NOCT: variants seen among roughly 807,000 people sequenced by gnomAD.
NOCT encodes CCR4 carbon catabolite repression 4-like.
NOCT carries 18 observed loss-of-function variants against 35.0 expected under a neutral mutation model. The ratio of observed to expected loss-of-function variants is 0.51; its 90% confidence interval spans 0.36 to 0.76. The LOEUF is 0.76. Among genes scored for constraint, NOCT ranks in the 30% least tolerant of loss-of-function variants. The pLI, the probability that NOCT is intolerant of heterozygous loss-of-function variation, is 0.01. For missense variants in NOCT, 479 were observed against 541.0 expected (o/e 0.89, Z 1.14); for synonymous variants, 235 against 226.3 (o/e 1.04, Z -0.34).
At position 139,045,898 on chromosome 4, in the gene NOCT, T is replaced by G. The variant is rs1726931126; in HGVS notation, c.*424T>G. 6.5e-6 allele frequency: 1 copy of G among 154,250 alleles called. No individual in the cohort carries two copies. Among genetic ancestry groups the G allele is most frequent in the Admixed American group, 6.5e-5 (1 of 15,408 alleles). The allele number at this position is 154,250 out of a possible 1,614,324, so 9.6% of individuals were successfully genotyped here. Reference sequence around the variant, plus strand: ...TGGAAAAGACTCCCTTTAGTCCCTTTTTCAATTAAAACCTATGGTGAAAAA... The same window carrying G: ...TGGAAAAGACTCCCTTTAGTCCCTTGTTCAATTAAAACCTATGGTGAAAAA... On this transcript the variant is annotated 3_prime_UTR_variant, in exon 3 of 3. Transcript: ENST00000280614.
chr4:139,025,578 A>G (rs1726497793), intron 1 of NOCT, among the ~76,000 whole-genome samples: 1 of 152,174 alleles, frequency 6.6e-6, no homozygotes, highest in African/African-American at 2.4e-5. Context: ...TGGGAGGCCA[A>G]GGCGGGCAGA....
In NOCT at chr4:139,044,703, G is replaced by T; in HGVS notation, c.525G>T (p.Arg175Ser). The T allele has an allele frequency of 6.2e-7, 1 of 1,614,180 alleles. No individual in the cohort carries two copies. Among genetic ancestry groups the T allele is most frequent in the Non-Finnish European group, 8.5e-7 (1 of 1,180,016 alleles). The change falls in exon 3 of 3, where the codon AGG becomes AGT. Residue 175 changes from arginine to serine, a missense_variant. Arg to Ser is a moderately radical substitution (Grantham distance 110, BLOSUM62 -1). This residue lies in a region of NOCT where 265 missense variants were observed against 257.0 expected (regional missense o/e 1.03). Coordinates refer to ENST00000280614, the MANE Select transcript of NOCT (RefSeq NM_012118.4). ...TTGAAGCACTCAAATGGGAAGAAAGGAAATGTCTCATCCTGGAAGAAATCC... is the reference window on the plus strand; with the variant it reads ...TTGAAGCACTCAAATGGGAAGAAAGTAAATGTCTCATCCTGGAAGAAATCC... Reference protein sequence around the residue: ...CPVEALKWEERKCLILEEILA... With the variant: ...CPVEALKWEESKCLILEEILA...
chr4:139,031,932 C>T (rs111706273), intron 1 of NOCT, among the ~76,000 whole-genome samples: 2,556 of 152,088 alleles, frequency 0.017, 63 homozygotes, highest in African/African-American at 0.057. Context: ...AGGCTCGTCT[C>T]GAACTCCTAA....
chr4:139,016,753 A>G (rs1726314767), intron 1 of NOCT, among the ~76,000 whole-genome samples: 1 of 141,126 alleles, frequency 7.1e-6, no homozygotes, highest in Non-Finnish European at 1.5e-5. Flanking sequence ...TCCCGGGTTC[A>G]AGCGATTCTC....
intron 1 of NOCT, chr4:139,028,305 G>A (rs1726560653): frequency 6.6e-6 from 1 of 152,310 alleles, no homozygotes; most frequent in Non-Finnish European, 1.5e-5. Flanking sequence ...GTTCAGTCTT[G>A]TCTGGATGAC....
At chr4:139,035,647 T>C (rs980484432) in intron 1 of NOCT, among the ~76,000 whole-genome samples, 2 of 152,182 alleles carry the variant, frequency 1.3e-5, no homozygotes, top group Admixed American at 6.5e-5. Context: ...GTAGTTTAAA[T>C]ATATCAGCCA....
chr4:139,019,049 A>AATTTTT (rs1250811110), intron 1 of NOCT, among the ~76,000 whole-genome samples: 1 of 152,068 alleles, frequency 6.6e-6, no homozygotes, highest in Non-Finnish European at 1.5e-5. Context: ...TTTTAATTTT[A>AATTTTT]ATTTTTATTT....
intron 1 of NOCT, among the ~76,000 whole-genome samples, chr4:139,040,528 C>G (rs1726817963): frequency 6.6e-6 from 1 of 152,100 alleles, no homozygotes; most frequent in African/African-American, 2.4e-5. Context: ...ATTTCACGTA[C>G]TCCTCAAACG....
At chr4:139,036,649 A>G (rs1726743578) in intron 1 of NOCT, among the ~76,000 whole-genome samples, 1 of 152,194 alleles carries the variant, frequency 6.6e-6, no homozygotes, top group Non-Finnish European at 1.5e-5. Flanking sequence ...CATGAGTATT[A>G]ATCTTTCCCC....
chr4:139,034,581 TG>T (rs1369519345), intron 1 of NOCT, among the ~76,000 whole-genome samples: 1 of 152,072 alleles, frequency 6.6e-6, no homozygotes, highest in Non-Finnish European at 1.5e-5. Flanking sequence ...GTTGTTGTGG[TG>T]GTGGTGGTGA....
chr4:139,019,996 TTAAC>T (rs1232044602), intron 1 of NOCT, among the ~76,000 whole-genome samples: 1 of 152,246 alleles, frequency 6.6e-6, no homozygotes, highest in East Asian at 1.9e-4. Context: ...AATATGTCCT[TTAAC>T]TATGTGAGTA....
intron 1 of NOCT, 151 bp from the exon 2 acceptor site, chr4:139,042,923 A>G (rs1176949558): frequency 1.9e-5 from 13 of 695,626 alleles, no homozygotes; most frequent in Admixed American, 9.7e-5. Context: ...TCAAAAAAAA[A>G]AAAAAAGAAA....
intron 1 of NOCT, among the ~76,000 whole-genome samples, chr4:139,037,811 C>G (rs991238906): frequency 6.6e-6 from 1 of 151,996 alleles, no homozygotes; most frequent in African/African-American, 2.4e-5. Context: ...TGGCTTGATC[C>G]CAGGAGTTTG....
chr4:139,041,429 T>C (rs921329297), intron 1 of NOCT, among the ~76,000 whole-genome samples: 1 of 152,238 alleles, frequency 6.6e-6, no homozygotes, highest in Non-Finnish European at 1.5e-5. Context: ...GATTGCCTGG[T>C]ACCAGCATTT....
At chr4:139,037,081 T>C (rs1392404206) in intron 1 of NOCT, among the ~76,000 whole-genome samples, 5 of 152,214 alleles carry the variant, frequency 3.3e-5, no homozygotes, top group African/African-American at 9.6e-5. Context: ...GCTTGTCCTA[T>C]GTCATGTTGT....
chr4:139,033,465 G>A (rs1726664010), intron 1 of NOCT, among the ~76,000 whole-genome samples: 1 of 151,938 alleles, frequency 6.6e-6, no homozygotes. Flanking sequence ...GAAGCCAGGA[G>A]TTCAAGACTA....
intron 1 of NOCT, chr4:139,028,149 A>G (rs1189475077): frequency 6.6e-6 from 1 of 152,250 alleles, no homozygotes. Context: ...GGATTGTGCT[A>G]GAAAAGCCCA....
intron 1 of NOCT, among the ~76,000 whole-genome samples, chr4:139,019,913 G>C (rs1232020555): frequency 6.6e-6 from 1 of 152,160 alleles, no homozygotes; most frequent in Non-Finnish European, 1.5e-5. Flanking sequence ...TCTACCATTA[G>C]AACATTTGCT....
chr4:139,016,081 C>T lies in NOCT; in HGVS notation c.100C>T (p.Pro34Ser), dbSNP rs1726291524. Residue 34 changes from proline (P) to serine (S), a missense_variant, in exon 1 of 3, where the codon CCG becomes TCG. Pro to Ser is a moderately conservative substitution (Grantham distance 74). Around this residue, in one of 2 missense-constraint regions of NOCT, gnomAD observed 265 missense variants for 257.0 expected, o/e 1.03. Transcript: ENST00000280614. ...PAPGLRRPLS[P>S]PAAVPRPASP... ...CCCAGGGCTGCGCCGCCCGTTGTCCCCGCCGGCTGCTGTTCCCAGGCCCGC... is the reference window on the plus strand; with the variant it reads ...CCCAGGGCTGCGCCGCCCGTTGTCCTCGCCGGCTGCTGTTCCCAGGCCCGC... 1.4e-6 allele frequency: 2 copies of T among 1,390,300 alleles called. No individual in the cohort carries two copies. Among genetic ancestry groups the T allele is most frequent in the Non-Finnish European group, 9.3e-7 (1 of 1,070,306 alleles). 86.1% of individuals were successfully genotyped at this position (1,390,300 alleles called of 1,614,324 possible). A position where few individuals can be genotyped will look rare whatever the true frequency, so the allele number is the denominator to read the frequency against.
Sources: allele counts gnomAD v4.1 joint callset (sites outside exome capture counted in the v4.1 genomes callset), GRCh38; gene constraint gnomAD v4.1.1; regional missense constraint gnomAD v4.1.1; transcripts MANE v1.5; gene names NCBI Gene and HGNC (gene_info 2026-07-23, HGNC 2026-07-21).